SAXO1: variants seen among roughly 807,000 people sequenced by gnomAD.
The protein encoded by SAXO1 is stabilizer of axonemal microtubules 1, also known as 4930500O09Rik.
A neutral mutation model predicts 17.5 loss-of-function variants in SAXO1; 21 were observed. That is an observed-to-expected ratio of 1.20 (90% CI 0.85 to 1.72). The LOEUF is 1.72. Among genes scored for constraint, SAXO1 ranks in the 40% most tolerant of loss-of-function variants. The probability of loss-of-function intolerance (pLI) is 0.00; values close to 1 mark genes in which losing one functional copy is unlikely to be tolerated. For synonymous variants in SAXO1, 274 were observed against 216.5 expected (o/e 1.27, Z -2.33); for missense variants, 843 against 596.0 (o/e 1.41, Z -4.32).
At chr9:18,946,758 T>C (rs540152332) in intron 2 of SAXO1, among the ~76,000 whole-genome samples, 151 of 152,256 alleles carry the variant, frequency 9.9e-4, no homozygotes, top group Non-Finnish European at 1.5e-3. Context: ...GAAAGCAAAG[T>C]AAGGCCATAA....
intron 1 of SAXO1, among the ~76,000 whole-genome samples, chr9:19,039,836 C>G (rs1169742676): frequency 1.3e-5 from 2 of 152,148 alleles, no homozygotes; most frequent in African/African-American, 4.8e-5. Context: ...TCAAGCAATT[C>G]TCCTGCCTCA....
chr9:19,047,491 A>C (rs1836248366), intron 1 of SAXO1, among the ~76,000 whole-genome samples: 1 of 152,250 alleles, frequency 6.6e-6, no homozygotes, highest in South Asian at 2.1e-4. Context: ...TTTAGAATTC[A>C]AGGGCATGGT....
At chr9:18,970,234 AAC>A (rs1832896762) in intron 1 of SAXO1, among the ~76,000 whole-genome samples, 2 of 152,216 alleles carry the variant, frequency 1.3e-5, no homozygotes, top group African/African-American at 2.4e-5. Flanking sequence ...TAAAAATGAT[AAC>A]AGTTATGCTA....
intron 1 of SAXO1, among the ~76,000 whole-genome samples, chr9:18,991,427 G>A (rs1021418010): frequency 2.1e-4 from 32 of 152,156 alleles, no homozygotes; most frequent in Admixed American, 1.4e-3. Context: ...GGACATGGAT[G>A]AAGCTGGAAA....
intron 3 of SAXO1, among the ~76,000 whole-genome samples, chr9:18,936,314 C>G: frequency 6.6e-6 from 1 of 152,158 alleles, no homozygotes; most frequent in East Asian, 1.9e-4. Context: ...ATTAGGGGGC[C>G]TTGGAGGGAA....
chr9:18,997,099 G>T (rs1205218819), intron 1 of SAXO1, among the ~76,000 whole-genome samples: 1 of 152,228 alleles, frequency 6.6e-6, no homozygotes, highest in Non-Finnish European at 1.5e-5. Flanking sequence ...TGGTTGGACA[G>T]TGGGTGCCGC....
intron 1 of SAXO1, among the ~76,000 whole-genome samples, chr9:18,981,809 C>T (rs915243711): frequency 6.6e-6 from 1 of 152,188 alleles, no homozygotes; most frequent in African/African-American, 2.4e-5. Context: ...CAGAGGGGCT[C>T]AGCAACTTGC....
At chr9:18,955,833 C>T (rs781381410) in intron 1 of SAXO1, among the ~76,000 whole-genome samples, 1 of 152,178 alleles carries the variant, frequency 6.6e-6, no homozygotes, top group Non-Finnish European at 1.5e-5. Context: ...GCTGAAGATC[C>T]CACTACACAG....
chr9:19,019,499 C>T (rs1326024923), intron 1 of SAXO1, among the ~76,000 whole-genome samples: 1 of 152,074 alleles, frequency 6.6e-6, no homozygotes, highest in African/African-American at 2.4e-5. Flanking sequence ...GAGGCCAAGG[C>T]AGTTGTTTAC....
intron 1 of SAXO1, among the ~76,000 whole-genome samples, chr9:18,986,401 T>C (rs1406962516): frequency 6.6e-6 from 1 of 152,208 alleles, no homozygotes; most frequent in African/African-American, 2.4e-5. Flanking sequence ...ATCAAACTAT[T>C]TTAACAGGAT....
intron 3 of SAXO1, among the ~76,000 whole-genome samples, chr9:18,931,746 G>A (rs1343094195): frequency 5.9e-5 from 9 of 152,114 alleles, no homozygotes; most frequent in African/African-American, 2.2e-4. Flanking sequence ...ATCTTGCAGT[G>A]TCATTTACAT....
At chr9:18,990,435 G>T (rs548158706) in intron 1 of SAXO1, among the ~76,000 whole-genome samples, 1 of 152,112 alleles carries the variant, frequency 6.6e-6, no homozygotes, top group Non-Finnish European at 1.5e-5. Context: ...GCAGGACACC[G>T]TGGCTTATGC....
intron 1 of SAXO1, among the ~76,000 whole-genome samples, chr9:18,980,367 G>T (rs1833322663): frequency 6.6e-6 from 1 of 152,050 alleles, no homozygotes; most frequent in Non-Finnish European, 1.5e-5. Flanking sequence ...GTCATATTTG[G>T]AATCTGTAGT....
chr9:19,005,940 C>CAAAA (rs774837310), intron 1 of SAXO1, among the ~76,000 whole-genome samples: 2 of 151,758 alleles, frequency 1.3e-5, no homozygotes, highest in African/African-American at 4.8e-5. Context: ...ATGGCAAAAA[C>CAAAA]AAAAAAAACA....
At chr9:18,994,380 T>G in intron 1 of SAXO1, among the ~76,000 whole-genome samples, 1 of 152,240 alleles carries the variant, frequency 6.6e-6, no homozygotes, top group East Asian at 1.9e-4. Context: ...TTGACAGCCA[T>G]GCACCAGTGC....
rs1030092799 is a variant in SAXO1 at position 19,012,712 on chromosome 9, G to T, written c.38+20159C>A. 9.9e-4 allele frequency among the ~76,000 whole-genome samples: 150 copies of T among 151,856 alleles called. 1 individual carries two copies. The East Asian group carries it at 0.027, about 27-fold the overall frequency. Reference sequence around the variant, plus strand: ...ACAAGCAACCTGTGATTATATTTTGGCTTACTTTTAATTTTTCTAAACAGA... The same window carrying T: ...ACAAGCAACCTGTGATTATATTTTGTCTTACTTTTAATTTTTCTAAACAGA... On this transcript the variant is annotated intron_variant, in intron 1 of 3. Coordinates refer to ENST00000380534, the MANE Select transcript of SAXO1 (RefSeq NM_153707.4).
intron 1 of SAXO1, among the ~76,000 whole-genome samples, chr9:19,044,438 C>G (rs1049466292): frequency 6.6e-6 from 1 of 152,146 alleles, no homozygotes; most frequent in African/African-American, 2.4e-5. Context: ...TTATCTTTCT[C>G]CAGAATCCCA....
At chr9:18,961,116 A>T (rs1832465180) in intron 1 of SAXO1, among the ~76,000 whole-genome samples, 1 of 152,234 alleles carries the variant, frequency 6.6e-6, no homozygotes, top group Admixed American at 6.5e-5. Context: ...AACAAATGCT[A>T]AAGTATTTAG....
At chr9:18,971,653 G>C (rs909471598) in intron 1 of SAXO1, among the ~76,000 whole-genome samples, 4 of 152,106 alleles carry the variant, frequency 2.6e-5, no homozygotes, top group Non-Finnish European at 5.9e-5. Context: ...TACCACAGCT[G>C]AGCAGCTGGA....
Sources: allele counts gnomAD v4.1 joint callset (sites outside exome capture counted in the v4.1 genomes callset), GRCh38; gene constraint gnomAD v4.1.1; transcripts MANE v1.5; gene names NCBI Gene and HGNC (gene_info 2026-07-23, HGNC 2026-07-21).